WWOX: variants seen among roughly 807,000 people sequenced by gnomAD.
WWOX encodes the protein WW domain-containing oxidoreductase.
A neutral mutation model predicts 46.2 loss-of-function variants in WWOX; 69 were observed. The observed-to-expected ratio is 1.49, with a 90% CI of 1.23 to 1.82. WWOX has a LOEUF of 1.82. WWOX is among the 40% of genes most tolerant of loss of function. WWOX has a pLI of 0.00. For missense variants in WWOX, 919 were observed against 542.6 expected (o/e 1.69, Z -6.89); for synonymous variants, 359 against 202.6 (o/e 1.77, Z -6.56).
chr16:78,433,828 C>T (rs925835479), intron 8 of WWOX, among the ~76,000 whole-genome samples: 3 of 121,144 alleles, frequency 2.5e-5, no homozygotes, highest in South Asian at 2.8e-4. Context: ...CTCGCTCTGT[C>T]GCCCAGGCTG....
intron 8 of WWOX, among the ~76,000 whole-genome samples, chr16:78,888,856 G>T (rs1353403743): frequency 2.6e-5 from 4 of 151,716 alleles, no homozygotes; most frequent in Admixed American, 2.6e-4. Context: ...TCTCAAGACT[G>T]CCCAGCAGTA....
At chr16:79,168,194 G>C (rs1175095568) in intron 8 of WWOX, among the ~76,000 whole-genome samples, 1 of 152,044 alleles carries the variant, frequency 6.6e-6, no homozygotes, top group Non-Finnish European at 1.5e-5. Context: ...ATAAACATTT[G>C]TATACAAGTT....
chr16:79,019,707 C>T (rs1310823028), intron 8 of WWOX, among the ~76,000 whole-genome samples: 1 of 151,884 alleles, frequency 6.6e-6, no homozygotes, highest in East Asian at 1.9e-4. Flanking sequence ...TTGTTGCAGG[C>T]ACACTGAGGG....
intron 8 of WWOX, among the ~76,000 whole-genome samples, chr16:79,024,381 C>T (rs187282087): frequency 2.0e-5 from 3 of 152,262 alleles, no homozygotes; most frequent in Admixed American, 1.3e-4. Context: ...ACCTTAGCCT[C>T]CTCAGTAGCT....
At chr16:78,200,688 G>C (rs112046036) in intron 5 of WWOX, among the ~76,000 whole-genome samples, 1 of 130,814 alleles carries the variant, frequency 7.6e-6, no homozygotes, top group African/African-American at 3.0e-5. Context: ...TAATTTTACA[G>C]TGTGGTGCCT....
chr16:78,372,043 G>A (rs2081702519), intron 5 of WWOX, among the ~76,000 whole-genome samples: 2 of 152,066 alleles, frequency 1.3e-5, no homozygotes, highest in African/African-American at 4.8e-5. Flanking sequence ...ATATTCCACT[G>A]GCCAACTCTA....
intron 8 of WWOX, among the ~76,000 whole-genome samples, chr16:78,731,842 TCTC>T (rs144322027): frequency 0.026 from 2,759 of 107,454 alleles, 142 homozygotes; most frequent in Admixed American, 0.12. Flanking sequence ...TTTTTTTCTT[TCTC>T]TTTTTTTTTT....
intron 8 of WWOX, among the ~76,000 whole-genome samples, chr16:78,966,681 C>G (rs763610389): frequency 6.6e-6 from 1 of 152,108 alleles, no homozygotes; most frequent in Non-Finnish European, 1.5e-5. Flanking sequence ...AGTAAGATCA[C>G]TGAGTCAAAG....
At chr16:78,864,108 G>T (rs556678158) in intron 8 of WWOX, among the ~76,000 whole-genome samples, 1 of 152,174 alleles carries the variant, frequency 6.6e-6, no homozygotes, top group South Asian at 2.1e-4. Flanking sequence ...TTAGGGATAT[G>T]TATTTATATC....
chr16:78,917,175 G>T (rs2045271566), intron 8 of WWOX, among the ~76,000 whole-genome samples: 1 of 152,164 alleles, frequency 6.6e-6, no homozygotes, highest in South Asian at 2.1e-4. Context: ...TAGCCATGGA[G>T]ATTTGGAAGT....
At position 79,212,110 on chromosome 16, in the gene WWOX, C is replaced by CTTTTACTGTTATAGAATA; in HGVS notation, c.*315_*332dup. On this transcript the variant is annotated 3_prime_UTR_variant, in exon 9 of 9. Coordinates refer to ENST00000566780, the MANE Select transcript of WWOX (RefSeq NM_016373.4). ...TGGAGAAGCACCAGCAATTCTCTTTCTTTTACTGTTATAGAATAGCCTGAG... is the reference window on the plus strand; with the variant it reads ...TGGAGAAGCACCAGCAATTCTCTTTCTTTTACTGTTATAGAATATTTTACTGTTATAGAATAGCCTGAG... The CTTTTACTGTTATAGAATA allele has an allele frequency of 6.5e-7, 1 of 1,535,794 alleles. No individual in the cohort carries two copies. The highest frequency in any genetic ancestry group is 1.4e-5 in the African/African-American group (1 of 73,016).
intron 8 of WWOX, among the ~76,000 whole-genome samples, chr16:78,727,743 G>T (rs1597501736): frequency 1.3e-5 from 2 of 152,096 alleles, no homozygotes; most frequent in East Asian, 3.9e-4. Flanking sequence ...CTTGGGGATT[G>T]GACTCCATGG....
intron 5 of WWOX, among the ~76,000 whole-genome samples, chr16:78,218,869 C>T (rs1459818771): frequency 1.3e-5 from 2 of 152,224 alleles, no homozygotes; most frequent in Non-Finnish European, 2.9e-5. Flanking sequence ...TAAACTGCCA[C>T]TTTTGTTTGT....
At chr16:78,662,094 A>G (rs564344439) in intron 8 of WWOX, among the ~76,000 whole-genome samples, 15 of 152,058 alleles carry the variant, frequency 9.9e-5, no homozygotes, top group Admixed American at 2.6e-4. Context: ...TGGTGGTGGT[A>G]GTAGTAGTAG....
At chr16:78,405,085 G>C (rs893197258) in intron 6 of WWOX, among the ~76,000 whole-genome samples, 3 of 152,166 alleles carry the variant, frequency 2.0e-5, no homozygotes, top group African/African-American at 7.2e-5. Flanking sequence ...GCTGATGATG[G>C]GATGGGAAAA....
intron 5 of WWOX, among the ~76,000 whole-genome samples, chr16:78,180,478 A>T (rs976663003): frequency 6.6e-6 from 1 of 150,654 alleles, no homozygotes; most frequent in African/African-American, 2.4e-5. Context: ...CACCCGAGAT[A>T]TGGGGTATAC....
At chr16:79,194,875 A>G (rs919326654) in intron 8 of WWOX, among the ~76,000 whole-genome samples, 2 of 152,160 alleles carry the variant, frequency 1.3e-5, no homozygotes, top group African/African-American at 4.8e-5. Context: ...CCCAGAGTCT[A>G]TGCTTTTTTC....
At chr16:78,196,133 A>C (rs973520712) in intron 5 of WWOX, among the ~76,000 whole-genome samples, 1 of 152,236 alleles carries the variant, frequency 6.6e-6, no homozygotes, top group Non-Finnish European at 1.5e-5. Flanking sequence ...ATGGCCTGTC[A>C]AATCTTGAAA....
At chr16:79,025,116 C>CTTGTT (rs200030802) in intron 8 of WWOX, among the ~76,000 whole-genome samples, 3,408 of 96,694 alleles carry the variant, frequency 0.035, 137 homozygotes, top group African/African-American at 0.12. Context: ...GGAAGGTGGG[C>CTTGTT]TTGTTTTGTT....
Sources: allele counts gnomAD v4.1 joint callset (sites outside exome capture counted in the v4.1 genomes callset), GRCh38; gene constraint gnomAD v4.1.1; transcripts MANE v1.5; gene names NCBI Gene and HGNC (gene_info 2026-07-23, HGNC 2026-07-21).